The following FHIP1A variants were observed in gnomAD, a reference collection of about 807,000 sequenced individuals.
The protein encoded by FHIP1A is FHF complex subunit HOOK-interacting protein 1A.
In FHIP1A, 61 loss-of-function variants were observed where a neutral mutation model predicts 88.6. The observed-to-expected ratio is 0.69, with a 90% confidence interval of 0.56 to 0.85. The LOEUF (loss-of-function observed/expected upper bound fraction) is 0.85, where lower values mean the gene tolerates loss of function less well. Among genes scored for constraint, FHIP1A ranks in the 40% least tolerant of loss-of-function variants. The pLI is 0.00. For synonymous variants in FHIP1A, 478 were observed against 496.0 expected, an observed-to-expected ratio of 0.96 and a Z score of 0.48; for missense variants, 1,154 against 1,273.5, an observed-to-expected ratio of 0.91 and a Z score of 1.43.
intron 7 of FHIP1A, among the ~76,000 whole-genome samples, chr4:151,629,436 C>T (rs1011018588): frequency 6.6e-6 from 1 of 152,188 alleles, no homozygotes; most frequent in Non-Finnish European, 1.5e-5. Flanking sequence ...ATTTGAACTG[C>T]ATTTGATGAT....
At chr4:151,511,738 C>T (rs1038384199) in intron 3 of FHIP1A, among the ~76,000 whole-genome samples, 38 of 152,202 alleles carry the variant, frequency 2.5e-4, no homozygotes, top group African/African-American at 4.8e-4. Flanking sequence ...GGGGGAGGGG[C>T]GCCCGCCATT....
At chr4:151,651,597 G>GGGA (rs1208186789) in intron 11 of FHIP1A, among the ~76,000 whole-genome samples, 1 of 152,176 alleles carries the variant, frequency 6.6e-6, no homozygotes, top group African/African-American at 2.4e-5. Flanking sequence ...ATGAGATACT[G>GGGA]GGAGGTCATT....
At chr4:151,547,612 G>A (rs1732553787) in intron 3 of FHIP1A, among the ~76,000 whole-genome samples, 1 of 152,150 alleles carries the variant, frequency 6.6e-6, no homozygotes, top group Admixed American at 6.5e-5. Context: ...AGTATTTGCA[G>A]TGAGAAGGAC....
intron 7 of FHIP1A, among the ~76,000 whole-genome samples, chr4:151,608,393 A>T (rs1735168033): frequency 6.6e-6 from 1 of 151,994 alleles, no homozygotes; most frequent in African/African-American, 2.4e-5. Context: ...GTATCAACTC[A>T]GTTGCTTATA....
At chr4:151,589,204 T>G (rs573914452) in intron 7 of FHIP1A, among the ~76,000 whole-genome samples, 71 of 152,334 alleles carry the variant, frequency 4.7e-4, no homozygotes, top group Middle Eastern at 3.4e-3. Context: ...CCTGTTTCAC[T>G]TCGTGGGCAG....
intron 3 of FHIP1A, among the ~76,000 whole-genome samples, chr4:151,513,708 G>A (rs1469896744): frequency 2.6e-5 from 4 of 152,104 alleles, no homozygotes; most frequent in African/African-American, 7.2e-5. Context: ...GAGAAAGAAG[G>A]CCATGACATA....
chr4:151,506,467 G>T (rs1356919432), intron 3 of FHIP1A, among the ~76,000 whole-genome samples: 1 of 152,144 alleles, frequency 6.6e-6, no homozygotes, highest in African/African-American at 2.4e-5. Flanking sequence ...TGGTTCTGTA[G>T]GCTGTAAAAT....
rs112575625 is a variant in FHIP1A at position 151,620,873 on chromosome 4, G to A, written c.979-8829G>A. Among the ~76,000 whole-genome samples the A allele has an allele frequency of 3.1e-3, 425 of 135,940 alleles. 2 individuals carry two copies. The highest frequency in any genetic ancestry group is 0.011 in the African/African-American group (412 of 38,402). 89.2% of individuals were successfully genotyped at this position (135,940 alleles called of 152,430 possible). ...AAGGGTCCCACCCTCCCTACACACC[G>A]AGAATAAAAAAAAAAAACCCCACAC... is the stretch of plus-strand genomic sequence containing the variant. On this transcript the variant is annotated intron_variant, in intron 7 of 13. Transcript: ENST00000435205.
intron 1 of FHIP1A, among the ~76,000 whole-genome samples, chr4:151,442,520 T>G (rs1050670919): frequency 2.0e-5 from 3 of 152,158 alleles, no homozygotes; most frequent in African/African-American, 7.2e-5. Flanking sequence ...TTCTCTCACA[T>G]GGGTCAGCAT....
Position 151,440,641 on chromosome 4 carries a change from A to G in FHIP1A, c.-355-14060A>G, listed in dbSNP as rs918045262. Among the ~76,000 whole-genome samples, 14 of 152,130 alleles carry G rather than the reference A, an allele frequency of 9.2e-5. 1 individual carries two copies. Among genetic ancestry groups the G allele is most frequent in the Admixed American group, 9.2e-4 (14 of 15,268 alleles). On this transcript the variant is annotated intron_variant, in intron 1 of 13. Transcript: ENST00000435205. ...AGTCACCACCATCATGGCCCTGGGT[A>G]CACAAACAGTAGCAGTACAGTGTCA...
At chr4:151,593,090 C>T (rs4696100) in intron 7 of FHIP1A, among the ~76,000 whole-genome samples, 43,312 of 151,912 alleles carry the variant, frequency 0.29, 6,405 homozygotes, top group Non-Finnish European at 0.33. Flanking sequence ...TAGCATTATT[C>T]CTGAGGTCTC....
chr4:151,592,345 A>G (rs1734470286), intron 7 of FHIP1A, among the ~76,000 whole-genome samples: 1 of 152,160 alleles, frequency 6.6e-6, no homozygotes, highest in Non-Finnish European at 1.5e-5. Flanking sequence ...TGTGTTAGCC[A>G]GGATGGTCTC....
chr4:151,485,292 T>TTTTTTTTTTTTTTTTTTTG (rs1730041606), intron 3 of FHIP1A, among the ~76,000 whole-genome samples: 1 of 150,638 alleles, frequency 6.6e-6, no homozygotes, highest in African/African-American at 2.4e-5. Flanking sequence ...GTTTTTTTTT[T>TTTTTTTTTTTTTTTTTTTG]TTTTTTTTTT....
At chr4:151,448,004 G>A (rs1728667849) in intron 1 of FHIP1A, among the ~76,000 whole-genome samples, 3 of 152,168 alleles carry the variant, frequency 2.0e-5, no homozygotes, top group African/African-American at 7.2e-5. Context: ...CACCTCCCAG[G>A]TTCAAGCAAT....
chr4:151,422,154 A>C (rs1282461890), intron 1 of FHIP1A, among the ~76,000 whole-genome samples: 1 of 151,798 alleles, frequency 6.6e-6, no homozygotes, highest in African/African-American at 2.4e-5. Context: ...CCTCAAGTAA[A>C]GTGACAAAAA....
intron 4 of FHIP1A, among the ~76,000 whole-genome samples, chr4:151,568,646 G>C (rs917387958): frequency 1.3e-5 from 2 of 152,130 alleles, no homozygotes; most frequent in Non-Finnish European, 2.9e-5. Flanking sequence ...TTTAAAAAAT[G>C]TATAAGCTAA....
chr4:151,508,784 C>G (rs183423458), intron 3 of FHIP1A, among the ~76,000 whole-genome samples: 64 of 152,190 alleles, frequency 4.2e-4, no homozygotes, highest in Non-Finnish European at 6.9e-4. Context: ...AGAGACAGAG[C>G]GGAGCAAACA....
At chr4:151,469,402 A>G (rs754468020) in intron 2 of FHIP1A, among the ~76,000 whole-genome samples, 6 of 152,184 alleles carry the variant, frequency 3.9e-5, no homozygotes, top group Non-Finnish European at 7.3e-5. Flanking sequence ...AATTTCAGGT[A>G]TAGCTTCTTT....
At chr4:151,448,661 A>C (rs2126575576) in intron 1 of FHIP1A, among the ~76,000 whole-genome samples, 1 of 152,088 alleles carries the variant, frequency 6.6e-6, no homozygotes, top group African/African-American at 2.4e-5. Flanking sequence ...GATGCTGAAT[A>C]CTCCAGTGTA....
Sources: gnomAD v4.1 joint callset for allele counts (sites outside exome capture counted in the v4.1 genomes callset) on GRCh38, gnomAD v4.1.1 for gene constraint, MANE v1.5 for transcripts, NCBI Gene and HGNC (gene_info 2026-07-23, HGNC 2026-07-21) for gene names.